The following COL8A1 variants were observed in gnomAD, a reference collection of about 807,000 sequenced individuals.
COL8A1 encodes collagen alpha-1(VIII) chain.
Under a neutral mutation model 42.7 loss-of-function variants are expected in COL8A1, and 21 were observed. The observed-to-expected ratio is 0.49, with a 90% CI of 0.35 to 0.71. The LOEUF (loss-of-function observed/expected upper bound fraction) is 0.71. Ranked by LOEUF, COL8A1 falls within the 30% of genes least tolerant of loss-of-function variation. COL8A1 has a pLI of 0.01. For synonymous variants in COL8A1, 367 were observed against 369.1 expected, an observed-to-expected ratio of 0.99 and a Z score of 0.06; for missense variants, 788 against 962.4, an observed-to-expected ratio of 0.82 and a Z score of 2.40.
At chr3:99,758,258 A>G (rs1234487635) in intron 2 of COL8A1, among the ~76,000 whole-genome samples, 1 of 152,172 alleles carries the variant, frequency 6.6e-6, no homozygotes, top group Non-Finnish European at 1.5e-5. Flanking sequence ...TAAAAGGTAA[A>G]AACCTTTTTT....
chr3:99,663,062 A>G (rs1330263597), intron 1 of COL8A1, among the ~76,000 whole-genome samples: 1 of 152,254 alleles, frequency 6.6e-6, no homozygotes, highest in Non-Finnish European at 1.5e-5. Context: ...AGTCCTGAGA[A>G]TAATGAGGAA....
At chr3:99,769,729 G>A (rs1941540614) in intron 2 of COL8A1, among the ~76,000 whole-genome samples, 1 of 152,138 alleles carries the variant, frequency 6.6e-6, no homozygotes, top group Admixed American at 6.5e-5. Context: ...GACCAGCCTG[G>A]CCAACATGGT....
chr3:99,744,087 C>T (rs1940965556), intron 1 of COL8A1, among the ~76,000 whole-genome samples: 1 of 152,126 alleles, frequency 6.6e-6, no homozygotes, highest in Non-Finnish European at 1.5e-5. Flanking sequence ...CGCCACCACA[C>T]CTGGCTAATT....
chr3:99,768,710 C>G (rs930921144), intron 2 of COL8A1, among the ~76,000 whole-genome samples: 1 of 152,214 alleles, frequency 6.6e-6, no homozygotes, highest in African/African-American at 2.4e-5. Flanking sequence ...GGACACCATC[C>G]TCACCCTTCC....
chr3:99,796,250 T>C lies in COL8A1; in HGVS notation c.*114T>C. ...TCAAAACACTTACACAGTTGGAAAGTTATATGTAAGTGAAAATTTGGACCA... is the reference window on the plus strand; with the variant it reads ...TCAAAACACTTACACAGTTGGAAAGCTATATGTAAGTGAAAATTTGGACCA... On this transcript the variant is annotated 3_prime_UTR_variant, in exon 4 of 4. Transcript: ENST00000652472. 3.4e-6 allele frequency: 3 copies of C among 894,496 alleles called. No homozygotes were observed. Among genetic ancestry groups the C allele is most frequent in the Non-Finnish European group, 4.8e-6 (3 of 627,362 alleles). 55.4% of individuals were successfully genotyped at this position (894,496 alleles called of 1,614,324 possible). A position where few individuals can be genotyped will look rare whatever the true frequency, so the allele number is the denominator to read the frequency against.
At chr3:99,671,607 C>T (rs1297985865) in intron 1 of COL8A1, among the ~76,000 whole-genome samples, 1 of 152,000 alleles carries the variant, frequency 6.6e-6, no homozygotes, top group Non-Finnish European at 1.5e-5. Flanking sequence ...CCACCACCTA[C>T]CCCATAGTAA....
intron 2 of COL8A1, among the ~76,000 whole-genome samples, chr3:99,763,265 T>C (rs1008450063): frequency 6.6e-6 from 1 of 152,138 alleles, no homozygotes; most frequent in African/African-American, 2.4e-5. Flanking sequence ...GAGGAGAGAA[T>C]ACAAGCTCAT....
At chr3:99,742,944 G>A (rs184779633) in intron 1 of COL8A1, among the ~76,000 whole-genome samples, 3 of 152,286 alleles carry the variant, frequency 2.0e-5, no homozygotes, top group African/African-American at 7.2e-5. Context: ...ATGCAGTTCA[G>A]CACCATGAGG....
At chr3:99,738,865 C>G (rs544518465) in intron 1 of COL8A1, among the ~76,000 whole-genome samples, 1 of 152,128 alleles carries the variant, frequency 6.6e-6, no homozygotes, top group Admixed American at 6.5e-5. Context: ...GCTGTGCTAG[C>G]AATCAGCGAG....
chr3:99,641,083 T>TA (rs1937500575), intron 1 of COL8A1, among the ~76,000 whole-genome samples: 1 of 152,202 alleles, frequency 6.6e-6, no homozygotes, highest in South Asian at 2.1e-4. Flanking sequence ...TATAAAATGA[T>TA]ATCCTTTTCA....
At chr3:99,771,118 G>A (rs951263875) in intron 2 of COL8A1, among the ~76,000 whole-genome samples, 1 of 152,150 alleles carries the variant, frequency 6.6e-6, no homozygotes, top group Non-Finnish European at 1.5e-5. Context: ...CAGTGTGGCC[G>A]ATGCTTATTC....
intron 1 of COL8A1, among the ~76,000 whole-genome samples, chr3:99,664,764 G>A (rs759351813): frequency 3.9e-5 from 6 of 152,112 alleles, no homozygotes; most frequent in African/African-American, 9.7e-5. Flanking sequence ...GCTTTCCATC[G>A]ACTGAAGAAT....
rs181985783 is a variant in COL8A1, at chr3:99,675,310, A to G, written c.-129+36646A>G. Among the ~76,000 whole-genome samples the G allele has an allele frequency of 2.6e-4, 40 of 152,186 alleles. 1 individual carries two copies. Among genetic ancestry groups the G allele is most frequent in the Admixed American group, 2.6e-3 (39 of 15,240 alleles). On this transcript the variant is annotated intron_variant, in intron 1 of 3. Coordinates refer to ENST00000652472, the MANE Select transcript of COL8A1 (RefSeq NM_020351.4). Reference sequence around the variant, plus strand: ...ATTTTTGGCCATGAGAAAAATTATTATAGAAGATTAGGAGTGCCTCTAACA... The same window carrying G: ...ATTTTTGGCCATGAGAAAAATTATTGTAGAAGATTAGGAGTGCCTCTAACA...
intron 1 of COL8A1, among the ~76,000 whole-genome samples, chr3:99,697,126 A>G (rs1389577144): frequency 6.7e-6 from 1 of 149,992 alleles, no homozygotes; most frequent in Non-Finnish European, 1.5e-5. Context: ...AGCTGGGACT[A>G]CAGGCGCCCG....
At position 99,638,645 on chromosome 3, in the gene COL8A1, C is replaced by T. The variant is rs1032684332; in HGVS notation, c.-148C>T. The T allele has an allele frequency of 1.4e-4, 21 of 152,494 alleles. No homozygotes were observed. Among genetic ancestry groups the T allele is most frequent in the African/African-American group, 4.8e-4 (20 of 41,550 alleles). The allele number at this position is 152,494 out of a possible 1,614,324, so 9.4% of individuals were successfully genotyped here. ...CCGTGGGAGCCAGCGAGCCTCTCTC[C>T]CTGATCTTACGTGCTCAAGGTAAGA... On this transcript the variant is annotated 5_prime_UTR_variant, in exon 1 of 4. Transcript: ENST00000652472.
At chr3:99,644,361 T>A (rs1937603366) in intron 1 of COL8A1, among the ~76,000 whole-genome samples, 1 of 152,220 alleles carries the variant, frequency 6.6e-6, no homozygotes, top group Non-Finnish European at 1.5e-5. Context: ...AATAACTCCA[T>A]GGATGTCAAG....
chr3:99,660,885 A>G lies in COL8A1; in HGVS notation c.-129+22221A>G, dbSNP rs192778049. Among the ~76,000 whole-genome samples, 4 of 152,326 alleles carry G rather than the reference A, an allele frequency of 2.6e-5. No homozygotes were observed. The East Asian group carries it at 7.7e-4, about 29-fold the overall frequency. ...TAATGTCACAGGCTTTTACTGTTTG[A>G]AAAACAGAGTGGCATGTATAAAAAC... On this transcript the variant is annotated intron_variant, in intron 1 of 3. Coordinates refer to ENST00000652472, the MANE Select transcript of COL8A1 (RefSeq NM_020351.4).
intron 1 of COL8A1, among the ~76,000 whole-genome samples, chr3:99,700,588 C>T: frequency 6.6e-6 from 1 of 152,148 alleles, no homozygotes; most frequent in East Asian, 1.9e-4. Context: ...ACCTCCAAAC[C>T]ACCAAAACTG....
chr3:99,702,389 G>A (rs966147100), intron 1 of COL8A1, among the ~76,000 whole-genome samples: 1 of 152,156 alleles, frequency 6.6e-6, no homozygotes, highest in Admixed American at 6.5e-5. Context: ...AACCATTATT[G>A]TCATGCAATA....
Sources: allele counts gnomAD v4.1 joint callset (sites outside exome capture counted in the v4.1 genomes callset), GRCh38; gene constraint gnomAD v4.1.1; transcripts MANE v1.5; gene names NCBI Gene and HGNC (gene_info 2026-07-23, HGNC 2026-07-21).